Variants in HSD17B2 observed in about 807,000 individuals in gnomAD.
HSD17B2 encodes the protein 17-beta-hydroxysteroid dehydrogenase type 2.
A neutral mutation model predicts 26.9 loss-of-function variants in HSD17B2; 32 were observed. That is an observed-to-expected ratio of 1.19 (90% CI 0.90 to 1.60). The LOEUF (loss-of-function observed/expected upper bound fraction) is 1.60. Ranked by LOEUF, HSD17B2 falls within the 40% of genes most tolerant of loss-of-function variation. The pLI is 0.00. For missense variants in HSD17B2, 613 were observed against 468.6 expected (o/e 1.31, Z -2.85); for synonymous variants, 246 against 186.7 (o/e 1.32, Z -2.59).
intron 3 of HSD17B2, among the ~76,000 whole-genome samples, chr16:82,086,961 G>A (rs1230425225): frequency 6.6e-6 from 1 of 152,114 alleles, no homozygotes. Context: ...TGAGGTGTCT[G>A]GTGTTTCTTC....
At chr16:82,096,040 T>A (rs1016077779) in intron 4 of HSD17B2, 1 of 152,136 alleles carries the variant, frequency 6.6e-6, no homozygotes, top group Non-Finnish European at 1.5e-5. Flanking sequence ...GTAAATAAAT[T>A]ATTTAATTTT....
At chr16:82,083,635 C>T (rs1295796912) in intron 3 of HSD17B2, among the ~76,000 whole-genome samples, 7 of 152,290 alleles carry the variant, frequency 4.6e-5, no homozygotes, top group Admixed American at 2.6e-4. Flanking sequence ...TCTGGGGCAG[C>T]AGCTGACAGT....
In HSD17B2 at chr16:82,066,006, G is replaced by C. The variant is rs115610287; in HGVS notation, c.266-2164G>C. On this transcript the variant is annotated intron_variant, in intron 1 of 4. Transcript: ENST00000199936. ...AGTCTGGTGAACTTGCCAGTGTCCA[G>C]CATCTGGCCTCAGCACTGTGGATCC... Among the ~76,000 whole-genome samples the C allele has an allele frequency of 4.5e-3, 687 of 152,340 alleles. 7 individuals carry two copies. The highest frequency in any genetic ancestry group is 0.016 in the African/African-American group (654 of 41,570).
intron 3 of HSD17B2, among the ~76,000 whole-genome samples, chr16:82,079,106 T>C (rs946880179): frequency 5.3e-5 from 8 of 152,316 alleles, no homozygotes; most frequent in Middle Eastern, 3.4e-3. Flanking sequence ...TTATTATGTA[T>C]TGCATGCTTG....
At chr16:82,076,225 A>G (rs1904300429) in intron 3 of HSD17B2, among the ~76,000 whole-genome samples, 1 of 152,208 alleles carries the variant, frequency 6.6e-6, no homozygotes. Flanking sequence ...CTGTGTATAG[A>G]AGGAACACAT....
intron 3 of HSD17B2, among the ~76,000 whole-genome samples, chr16:82,086,318 A>ACACG (rs1904525747): frequency 6.6e-6 from 1 of 152,232 alleles, no homozygotes; most frequent in Admixed American, 6.5e-5. Context: ...AAGTACTGAT[A>ACACG]CACGCTACAA....
At chr16:82,064,246 G>A (rs963822191) in intron 1 of HSD17B2, among the ~76,000 whole-genome samples, 1 of 152,166 alleles carries the variant, frequency 6.6e-6, no homozygotes, top group Non-Finnish European at 1.5e-5. Flanking sequence ...AGATCACAAT[G>A]TCTCCTCCTT....
rs554769179 is a variant in HSD17B2 at position 82,049,636 on chromosome 16, G to A, written c.265+13947G>A. Among the ~76,000 whole-genome samples, 3 of 152,330 alleles carry A rather than the reference G, an allele frequency of 2.0e-5. No individual in the cohort carries two copies. In the South Asian group the frequency reaches 6.2e-4, roughly 32 times the overall value. On this transcript the variant is annotated intron_variant, in intron 1 of 4. Coordinates refer to ENST00000199936, the MANE Select transcript of HSD17B2 (RefSeq NM_002153.3). ...GAATGAAAGAGAGGAAACAGCCCTGGGGCTTTATCAGGAGACTGACATTCC... is the reference window on the plus strand; with the variant it reads ...GAATGAAAGAGAGGAAACAGCCCTGAGGCTTTATCAGGAGACTGACATTCC...
chr16:82,041,849 G>C (rs1180389396), intron 1 of HSD17B2, among the ~76,000 whole-genome samples: 1 of 152,110 alleles, frequency 6.6e-6, no homozygotes, highest in South Asian at 2.1e-4. Context: ...TCTGAGAGAG[G>C]ACTGGCAAAT....
chr16:82,073,482 C>T (rs8191187), intron 3 of HSD17B2, among the ~76,000 whole-genome samples: 3,839 of 152,168 alleles, frequency 0.025, 168 homozygotes, highest in African/African-American at 0.086. Context: ...CCTCAGCCCC[C>T]CAAAGTTCTG....
chr16:82,084,869 A>T (rs770757879), intron 3 of HSD17B2, among the ~76,000 whole-genome samples: 43 of 152,268 alleles, frequency 2.8e-4, no homozygotes, highest in Non-Finnish European at 5.7e-4. Context: ...AGTAGCTGGG[A>T]ATACAGGCAC....
chr16:82,065,082 G>T (rs1914539085), intron 1 of HSD17B2, among the ~76,000 whole-genome samples: 1 of 152,230 alleles, frequency 6.6e-6, no homozygotes, highest in Non-Finnish European at 1.5e-5. Flanking sequence ...TGGGGAAGGG[G>T]AAGCTGGGAA....
intron 1 of HSD17B2, among the ~76,000 whole-genome samples, chr16:82,047,475 G>C (rs548961174): frequency 6.6e-6 from 1 of 152,236 alleles, no homozygotes; most frequent in Non-Finnish European, 1.5e-5. Context: ...CAAATAGTAT[G>C]CGTTCATGAC....
intron 1 of HSD17B2, 73 bp from the exon 2 acceptor site, chr16:82,068,097 T>A: frequency 7.9e-7 from 1 of 1,270,520 alleles, no homozygotes; most frequent in South Asian, 1.2e-5. Context: ...CAACGTAATA[T>A]GTTTTCCTTG....
At chr16:82,097,711 G>C (rs1904892877) in intron 4 of HSD17B2, 1 of 158,056 alleles carries the variant, frequency 6.3e-6, no homozygotes, top group South Asian at 2.0e-4. Context: ...GGCCGAGGCA[G>C]GTGGACCAAT....
chr16:82,061,637 C>T (rs985770283), intron 1 of HSD17B2, among the ~76,000 whole-genome samples: 4 of 152,086 alleles, frequency 2.6e-5, no homozygotes, highest in African/African-American at 9.7e-5. Context: ...ATTTAAAAAT[C>T]AGCTGTCAAA....
chr16:82,045,648 G>A (rs895349739), intron 1 of HSD17B2, among the ~76,000 whole-genome samples: 1 of 152,194 alleles, frequency 6.6e-6, no homozygotes, highest in African/African-American at 2.4e-5. Context: ...ATAGTGCCCT[G>A]CTCCTTTGTT....
chr16:82,089,967 G>A (rs1423011437), intron 3 of HSD17B2, among the ~76,000 whole-genome samples: 1 of 151,964 alleles, frequency 6.6e-6, no homozygotes. Flanking sequence ...CTTATAGCTG[G>A]TCCAGTGACA....
chr16:82,098,474 C>G lies in HSD17B2; in HGVS notation c.*38C>G, dbSNP rs1904923891. On this transcript the variant is annotated 3_prime_UTR_variant, in exon 5 of 5. Coordinates refer to ENST00000199936, the MANE Select transcript of HSD17B2 (RefSeq NM_002153.3). ...CTCAAAGAAGTCGGAATGTCATAGT[C>G]TTGAAATGAAAGGGAAACTGGGAAA... 1.3e-6 allele frequency: 2 copies of G among 1,537,004 alleles called. No individual in the cohort carries two copies. Among genetic ancestry groups the G allele is most frequent in the South Asian group, 2.6e-5 (2 of 77,840 alleles).
Sources: gnomAD v4.1 joint callset for allele counts (sites outside exome capture counted in the v4.1 genomes callset) on GRCh38, gnomAD v4.1.1 for gene constraint, MANE v1.5 for transcripts, NCBI Gene and HGNC (gene_info 2026-07-23, HGNC 2026-07-21) for gene names.